The following GOLGA7 variants were observed in gnomAD, a reference collection of about 807,000 sequenced individuals.
GOLGA7 encodes the protein golgin subfamily A member 7.
GOLGA7 carries 10 observed loss-of-function variants against 21.1 expected under a neutral mutation model. That is an observed-to-expected ratio of 0.47 (90% CI 0.29 to 0.80). The LOEUF (loss-of-function observed/expected upper bound fraction) is 0.80, where lower values mean the gene tolerates loss of function less well. Ranked by LOEUF, GOLGA7 falls within the 30% of genes least tolerant of loss-of-function variation. The pLI is 0.08. For synonymous variants in GOLGA7, 64 were observed against 62.6 expected, an observed-to-expected ratio of 1.02 and a Z score of -0.10; for missense variants, 114 against 166.8, an observed-to-expected ratio of 0.68 and a Z score of 1.74.
chr8:41,495,604 G>A (rs1466263905), intron 1 of GOLGA7, among the ~76,000 whole-genome samples: 7 of 149,636 alleles, frequency 4.7e-5, no homozygotes, highest in South Asian at 2.1e-4. Flanking sequence ...TTTCTGAGTC[G>A]GTTTCTATTA....
At chr8:41,491,676 A>C (rs78267941) in intron 1 of GOLGA7, among the ~76,000 whole-genome samples, 1 of 4,676 alleles carries the variant, frequency 2.1e-4, no homozygotes, top group Non-Finnish European at 1.3e-3. Flanking sequence ...GCAAAACTTT[A>C]AAAAAAAAAA....
At chr8:41,501,308 A>ATT (rs58977260) in intron 2 of GOLGA7, among the ~76,000 whole-genome samples, 5,266 of 143,644 alleles carry the variant, frequency 0.037, 220 homozygotes, top group Admixed American at 0.13. Flanking sequence ...CTTGAGGTCG[A>ATT]TTTTTTTTTT....
At position 41,490,757 on chromosome 8, in the gene GOLGA7, C is replaced by T. The variant is rs530314556; in HGVS notation, c.-98C>T. The T allele has an allele frequency of 2.9e-6, 2 of 678,430 alleles. No homozygotes were observed. The highest frequency in any genetic ancestry group is 4.7e-5 in the Admixed American group (2 of 42,210). 42.0% of individuals were successfully genotyped at this position (678,430 alleles called of 1,614,324 possible). ...GGCTGTTTTCGGCGGCGGGTGGGGG[C>T]GAGGGGCTGGCGGGTCAGAGTCCCG... On this transcript the variant is annotated 5_prime_UTR_variant, in exon 1 of 5. Transcript: ENST00000357743.
At chr8:41,495,210 A>AC (rs1472243488) in intron 1 of GOLGA7, among the ~76,000 whole-genome samples, 12 of 150,478 alleles carry the variant, frequency 8.0e-5, no homozygotes, top group Non-Finnish European at 1.8e-4. Flanking sequence ...CTCAAAAAAA[A>AC]AAAAAAAAAA....
chr8:41,494,843 C>A (rs546426242), intron 1 of GOLGA7, among the ~76,000 whole-genome samples: 1 of 152,138 alleles, frequency 6.6e-6, no homozygotes, highest in Admixed American at 6.5e-5. Flanking sequence ...TTCCACACAA[C>A]GGACAAAACA....
At chr8:41,501,652 T>G (rs763796259) in intron 2 of GOLGA7, among the ~76,000 whole-genome samples, 2 of 152,234 alleles carry the variant, frequency 1.3e-5, no homozygotes, top group Non-Finnish European at 2.9e-5. Context: ...CGTCTCGGCC[T>G]CCCAAAGTGC....
intron 4 of GOLGA7, 119 bp from the exon 5 acceptor site, chr8:41,509,465 C>A (rs1806367034): frequency 6.6e-6 from 1 of 152,324 alleles, no homozygotes; most frequent in Non-Finnish European, 1.5e-5. Context: ...AGATAAAATT[C>A]TAGGTTAGTA....
At chr8:41,504,138 AAAACAAAAC>A (rs1197442436) in intron 2 of GOLGA7, among the ~76,000 whole-genome samples, 49 of 107,774 alleles carry the variant, frequency 4.5e-4, no homozygotes, top group African/African-American at 1.7e-3. Context: ...AAAAAAAAAC[AAAACAAAAC>A]AAAAAAAAAA....
rs1031080377 is a variant in GOLGA7 at position 41,506,080 on chromosome 8, T to C, written c.366+68T>C. Reference sequence around the variant, plus strand: ...AAGAAAATGTTGATATTGTTTGGCATTGGCTAGAGAGAATTTAACTCTCAT... The same window carrying C: ...AAGAAAATGTTGATATTGTTTGGCACTGGCTAGAGAGAATTTAACTCTCAT... On this transcript the variant is annotated intron_variant, in intron 3 of 4. Coordinates refer to ENST00000357743, the MANE Select transcript of GOLGA7 (RefSeq NM_001002296.2). The C allele has an allele frequency of 6.2e-6, 5 of 811,970 alleles. No individual in the cohort carries two copies. In the Admixed American group the frequency reaches 7.1e-5, roughly 11 times the overall value. The allele number at this position is 811,970 out of a possible 1,614,324, so 50.3% of individuals were successfully genotyped here.
chr8:41,499,406 G>T (rs1806096240), intron 2 of GOLGA7, among the ~76,000 whole-genome samples: 1 of 152,228 alleles, frequency 6.6e-6, no homozygotes, highest in Non-Finnish European at 1.5e-5. Flanking sequence ...TCTTGCCTTG[G>T]TGTACCAGAA....
chr8:41,504,842 T>C (rs900344945), intron 2 of GOLGA7, among the ~76,000 whole-genome samples: 1 of 152,238 alleles, frequency 6.6e-6, no homozygotes, highest in African/African-American at 2.4e-5. Flanking sequence ...TTTGTTAAGT[T>C]TGGTCTGTAT....
intron 1 of GOLGA7, among the ~76,000 whole-genome samples, chr8:41,491,905 T>G (rs902991206): frequency 4.6e-5 from 7 of 152,118 alleles, no homozygotes; most frequent in Non-Finnish European, 5.9e-5. Context: ...GAGAGGTGAT[T>G]AGGCATTCCT....
At chr8:41,508,645 T>C (rs768718273) in intron 4 of GOLGA7, among the ~76,000 whole-genome samples, 46 of 152,366 alleles carry the variant, frequency 3.0e-4, no homozygotes, top group South Asian at 8.3e-4. Context: ...GTTTTTCTGA[T>C]GTGTGAGGTT....
intron 1 of GOLGA7, among the ~76,000 whole-genome samples, chr8:41,491,674 TTAAAAA>T (rs1397950613): frequency 2.3e-5 from 1 of 44,298 alleles, no homozygotes; most frequent in Non-Finnish European, 6.2e-5. Flanking sequence ...TAGCAAAACT[TTAAAAA>T]AAAAAAAAAA....
At chr8:41,506,928 GA>G in intron 3 of GOLGA7, 130 bp from the exon 4 acceptor site, 1 of 680,834 alleles carries the variant, frequency 1.5e-6, no homozygotes, top group African/African-American at 1.8e-5. Flanking sequence ...ACTTAAGTAG[GA>G]AAAATGTTTA....
chr8:41,493,422 C>T (rs1805933283), intron 1 of GOLGA7, among the ~76,000 whole-genome samples: 1 of 152,118 alleles, frequency 6.6e-6, no homozygotes, highest in South Asian at 2.1e-4. Flanking sequence ...CACATTTGTG[C>T]CCTTTAATTT....
Position 41,490,642 on chromosome 8 carries a change from G to C in GOLGA7, c.-213G>C. On this transcript the variant is annotated 5_prime_UTR_variant, in exon 1 of 5. Transcript: ENST00000357743. ...GGTTTGTGTTTCCCGGGCCGAACCGGGTTGTGGGGGGCGCGGGGCCTGGGC... is the reference window on the plus strand; with the variant it reads ...GGTTTGTGTTTCCCGGGCCGAACCGCGTTGTGGGGGGCGCGGGGCCTGGGC... The C allele has an allele frequency of 1.8e-6, 1 of 549,664 alleles. No individual in the cohort carries two copies. The highest frequency in any genetic ancestry group is 2.3e-5 in the South Asian group (1 of 43,374). 34.0% of individuals were successfully genotyped at this position (549,664 alleles called of 1,614,324 possible). A position where few individuals can be genotyped will look rare whatever the true frequency, so the allele number is the denominator to read the frequency against.
chr8:41,496,804 C>CTTTTTTTTT (rs34657481), intron 1 of GOLGA7, among the ~76,000 whole-genome samples: 6 of 91,656 alleles, frequency 6.5e-5, no homozygotes, highest in Admixed American at 1.6e-4. Context: ...CAGTTTATTG[C>CTTTTTTTTT]TTTTTTTTTT....
intron 2 of GOLGA7, 116 bp downstream of exon 2, chr8:41,497,777 T>C: frequency 1.6e-6 from 1 of 631,910 alleles, no homozygotes; most frequent in Non-Finnish European, 2.8e-6. Flanking sequence ...GCATTTATCA[T>C]TCAAATTGTG....
Sources: allele counts gnomAD v4.1 joint callset (sites outside exome capture counted in the v4.1 genomes callset), GRCh38; gene constraint gnomAD v4.1.1; transcripts MANE v1.5; gene names NCBI Gene and HGNC (gene_info 2026-07-23, HGNC 2026-07-21).